ASPSCR1: variants seen among roughly 807,000 people sequenced by gnomAD.
ASPSCR1 encodes ASPSCR1 tether for SLC2A4, UBX domain containing.
Under a neutral mutation model 68.9 loss-of-function variants are expected in ASPSCR1, and 55 were observed. The ratio of observed to expected loss-of-function variants is 0.80; its 90% CI spans 0.64 to 1.00. ASPSCR1 has a LOEUF of 1.00. Ranked by LOEUF, ASPSCR1 falls within the 50% of genes least tolerant of loss-of-function variation. The pLI is 0.00. For missense variants in ASPSCR1, 765 were observed against 762.2 expected (o/e 1.00, Z -0.04); for synonymous variants, 352 against 332.6 (o/e 1.06, Z -0.63).
At chr17:82,004,142 G>A (rs1236952910) in intron 7 of ASPSCR1, among the ~76,000 whole-genome samples, 4 of 152,190 alleles carry the variant, frequency 2.6e-5, no homozygotes, top group Non-Finnish European at 4.4e-5. Flanking sequence ...GCAGTGTCCC[G>A]GCCTGTGTGC....
rs567788733 is a variant in ASPSCR1 at position 82,010,484 on chromosome 17, A to C, written c.1171-318A>C. 4.7e-3 allele frequency among the ~76,000 whole-genome samples: 699 copies of C among 148,814 alleles called. 2 individuals are homozygous for C. Among genetic ancestry groups the C allele is most frequent in the Non-Finnish European group, 7.0e-3 (473 of 67,360 alleles). On this transcript the variant is annotated intron_variant, in intron 9 of 15. Coordinates refer to ENST00000306739, the MANE Select transcript of ASPSCR1 (RefSeq NM_024083.4). ...GTGGAGCTTACAGTGAGCCGAGATC[A>C]TGCCACTGCACTCCAGCCTGGGCGA...
rs1471978902 is a variant in ASPSCR1 at position 81,994,970 on chromosome 17, C to T, written c.432+92C>T. On this transcript the variant is annotated intron_variant, in intron 5 of 15. Transcript: ENST00000306739. ...TGCTGTCCCGCAGCCGTCTCCAGGG[C>T]AGTGGCGGGAGACTCGGGCTCTTGA... 4 of 1,349,242 alleles carry T rather than the reference C, an allele frequency of 3.0e-6. No homozygotes were observed. In the East Asian group the frequency reaches 7.4e-5, roughly 25 times the overall value. 83.6% of individuals were successfully genotyped at this position (1,349,242 alleles called of 1,614,324 possible).
rs1031850663 is a variant in ASPSCR1, at chr17:82,009,546, G to A, written c.1149G>A (p.Glu383=). 9 of 1,579,704 alleles carry A rather than the reference G, an allele frequency of 5.7e-6. No individual in the cohort carries two copies. Among genetic ancestry groups the A allele is most frequent in the Non-Finnish European group, 6.9e-6 (8 of 1,165,744 alleles). ...CCTTCAGGGAGGCGCAGATAAAGGA[G>A]AAGCTGGAGCGCTACCCAAAGGTCT... ...TKAFREAQIK[E]KLERYPKVAL... is the part of the protein sequence containing the mutation. Residue 383 remains glutamate, a synonymous_variant, in exon 9 of 16, where the codon GAG becomes GAA. Coordinates refer to ENST00000306739, the MANE Select transcript of ASPSCR1 (RefSeq NM_024083.4).
In ASPSCR1 at chr17:81,983,178, G is replaced by A. The variant is rs995669106; in HGVS notation, c.159-376G>A. On this transcript the variant is annotated intron_variant, in intron 2 of 15. Coordinates refer to ENST00000306739, the MANE Select transcript of ASPSCR1 (RefSeq NM_024083.4). The surrounding 1 kb of genome is among the most constrained non-coding windows in gnomAD (Gnocchi z 4.4). ...TTTCTGTGGTGGCTCCAGCCGTGAC[G>A]GCCGGGGTCTGTGACACTCCAGCTT... Among the ~76,000 whole-genome samples the A allele has an allele frequency of 2.0e-5, 3 of 152,202 alleles. No individual in the cohort carries two copies. Among genetic ancestry groups the A allele is most frequent in the African/African-American group, 7.2e-5 (3 of 41,454 alleles).
At position 81,983,374 on chromosome 17, in the gene ASPSCR1, C is replaced by T. The variant is rs964306676; in HGVS notation, c.159-180C>T. On this transcript the variant is annotated intron_variant, in intron 2 of 15. Transcript: ENST00000306739. This position sits in a 1 kb window ranked among gnomAD's most constrained non-coding sequence, Gnocchi z 4.4. The stretch of plus-strand genomic sequence containing the variant: ...CTGCTTGCAGGAGGCCCCATATGAT[C>T]GGGGACCCGCCTTGTGCCTCTGCAG... Among the ~76,000 whole-genome samples the T allele has an allele frequency of 5.3e-5, 8 of 152,078 alleles. No individual in the cohort carries two copies. Among genetic ancestry groups the T allele is most frequent in the Admixed American group, 2.0e-4 (3 of 15,252 alleles).
In ASPSCR1 at chr17:81,986,395, C is replaced by T. The variant is rs1393645480; in HGVS notation, c.374+788C>T. On this transcript the variant is annotated intron_variant, in intron 4 of 15. Transcript: ENST00000306739. This position sits in a 1 kb window ranked among gnomAD's most constrained non-coding sequence, Gnocchi z 5.2. ...AGTGAGCCGAGATCGCACTGCTGCA[C>T]TCCAGCCTGGGCAACAGAACGAGAC... 6.6e-6 allele frequency among the ~76,000 whole-genome samples: 1 copy of T among 152,146 alleles called. No homozygotes were observed. The highest frequency in any genetic ancestry group is 1.5e-5 in the Non-Finnish European group (1 of 68,034).
intron 7 of ASPSCR1, among the ~76,000 whole-genome samples, chr17:81,998,165 C>T (rs767104735): frequency 6.6e-5 from 10 of 152,016 alleles, no homozygotes; most frequent in South Asian, 2.1e-4. Flanking sequence ...AAGACGAGGT[C>T]TCTCTCTGTT....
At chr17:82,012,343 G>A (rs1050739926) in intron 12 of ASPSCR1, 60 bp downstream of exon 12, 18 of 1,554,148 alleles carry the variant, frequency 1.2e-5, no homozygotes, top group Non-Finnish European at 1.6e-5. Flanking sequence ...GGCAGGACGA[G>A]AGCGTGAGGC....
Position 81,979,197 on chromosome 17 carries a change from C to G in ASPSCR1, c.116C>G (p.Thr39Arg). Residue 39 changes from threonine to arginine, a missense_variant, in exon 2 of 16, where the codon ACG becomes AGG. Coordinates refer to ENST00000306739, the MANE Select transcript of ASPSCR1 (RefSeq NM_024083.4). The part of the protein sequence containing the change: ...STVLLQVLED[T>R]CRRQDFNPCE... ...TCTCACCCCCAGGTTCTGGAGGACA[C>G]GTGCCGGCGGCAGGACTTCAACCCC... is the stretch of plus-strand genomic sequence containing the variant. The G allele has an allele frequency of 6.2e-7, 1 of 1,614,086 alleles. No homozygotes were observed. The highest frequency in any genetic ancestry group is 2.2e-5 in the East Asian group (1 of 44,882).
At chr17:82,015,041 T>TG (rs781521700) in intron 12 of ASPSCR1, 1 of 1,571,454 alleles carries the variant, frequency 6.4e-7, no homozygotes, top group Non-Finnish European at 8.6e-7. Flanking sequence ...CTGCTCTGGC[T>TG]GGGGGGACGG....
intron 3 of ASPSCR1, among the ~76,000 whole-genome samples, chr17:81,985,223 CA>C (rs1346310916): frequency 5.3e-5 from 8 of 151,662 alleles, no homozygotes; most frequent in Admixed American, 3.3e-4. Context: ...CACAACTGCA[CA>C]CCCCCGCACA....
At chr17:81,991,237 C>T (rs2042150788) in intron 4 of ASPSCR1, among the ~76,000 whole-genome samples, 2 of 152,196 alleles carry the variant, frequency 1.3e-5, no homozygotes, top group African/African-American at 4.8e-5. Context: ...GCGTGGGCAC[C>T]CCAGGTGGGA....
At chr17:81,992,269 C>T (rs1239878636) in intron 4 of ASPSCR1, among the ~76,000 whole-genome samples, 14 of 152,104 alleles carry the variant, frequency 9.2e-5, no homozygotes. Flanking sequence ...TGTGTCTCCT[C>T]GGGCGCTGGA....
At chr17:81,980,369 C>T (rs148783566) in intron 2 of ASPSCR1, among the ~76,000 whole-genome samples, 7 of 152,314 alleles carry the variant, frequency 4.6e-5, no homozygotes, top group Admixed American at 3.3e-4. Flanking sequence ...CCCTGCCTTA[C>T]GAGGCTCTCC....
intron 7 of ASPSCR1, among the ~76,000 whole-genome samples, chr17:82,004,149 G>GTGCA (rs1178480806): frequency 1.3e-5 from 2 of 152,232 alleles, no homozygotes; most frequent in African/African-American, 4.8e-5. Flanking sequence ...CCCGGCCTGT[G>GTGCA]TGCATGCCCC....
At chr17:82,015,866 C>T in intron 12 of ASPSCR1, 1 of 176,062 alleles carries the variant, frequency 5.7e-6, no homozygotes, top group Admixed American at 5.4e-5. Context: ...GCTCACAAGG[C>T]TTTGATCCCA....
At chr17:82,016,599 G>C in intron 13 of ASPSCR1, 72 bp downstream of exon 13, 4 of 1,537,034 alleles carry the variant, frequency 2.6e-6, no homozygotes, top group Non-Finnish European at 3.5e-6. Flanking sequence ...CCAGCTGCCC[G>C]GGAGGGCGTT....
At chr17:81,989,539 G>A (rs2042095621) in intron 4 of ASPSCR1, among the ~76,000 whole-genome samples, 1 of 152,244 alleles carries the variant, frequency 6.6e-6, no homozygotes, top group Non-Finnish European at 1.5e-5. Flanking sequence ...TGAGTCCAGG[G>A]ACAGTGTAGG....
chr17:82,005,040 G>A (rs530371036), intron 7 of ASPSCR1: 4 of 152,418 alleles, frequency 2.6e-5, no homozygotes, highest in South Asian at 2.1e-4. Context: ...GTGGCTGGGC[G>A]AGGGTCAGCT....
Sources: allele counts gnomAD v4.1 joint callset (sites outside exome capture counted in the v4.1 genomes callset), GRCh38; gene constraint gnomAD v4.1.1; non-coding constraint Gnocchi (gnomAD v3.1); transcripts MANE v1.5; gene names NCBI Gene and HGNC (gene_info 2026-07-23, HGNC 2026-07-21).